Variants in UPF2 observed in about 807,000 individuals in gnomAD.
UPF2 encodes UPF2 regulator of nonsense mediated mRNA decay, also known as regulator of nonsense transcripts 2.
UPF2 carries 17 observed loss-of-function variants against 141.4 expected under a neutral mutation model. The ratio of observed to expected loss-of-function variants is 0.12; its 90% CI spans 0.08 to 0.18. The LOEUF (loss-of-function observed/expected upper bound fraction) is 0.18. Ranked by LOEUF, UPF2 falls within the 10% of genes least tolerant of loss-of-function variation. The pLI is 1.00. For missense variants in UPF2, 1,152 were observed against 1,515.9 expected (o/e 0.76, Z 3.99); for synonymous variants, 540 against 498.0 (o/e 1.08, Z -1.12).
rs1026088993 is a variant in UPF2 at position 11,936,304 on chromosome 10, AGGT to A, written c.3546+238_3546+240del. On this transcript the variant is annotated intron_variant, in intron 19 of 21. Coordinates refer to ENST00000357604, the MANE Select transcript of UPF2 (RefSeq NM_015542.4). The surrounding 1 kb of genome is among the most constrained non-coding windows in gnomAD (Gnocchi z 6.6). Reference sequence around the variant, plus strand: ...AGAATCGTTTGAACCTGGGAGGAGGAGGTTGCAGTGAGCCAAGACCCTGCCACT... The same window carrying A: ...AGAATCGTTTGAACCTGGGAGGAGGATGCAGTGAGCCAAGACCCTGCCACT... Among the ~76,000 whole-genome samples the A allele has an allele frequency of 2.6e-5, 4 of 152,044 alleles. No homozygotes were observed. The highest frequency in any genetic ancestry group is 5.9e-5 in the Non-Finnish European group (4 of 68,010).
chr10:11,995,713 T>A (rs1833854447), intron 8 of UPF2, among the ~76,000 whole-genome samples: 1 of 151,542 alleles, frequency 6.6e-6, no homozygotes, highest in Non-Finnish European at 1.5e-5. Context: ...AACCCTGGAG[T>A]CGGAGGTTGC....
At chr10:11,928,344 A>G (rs796134799) in intron 21 of UPF2, among the ~76,000 whole-genome samples, 3 of 152,160 alleles carry the variant, frequency 2.0e-5, no homozygotes, top group African/African-American at 7.2e-5. Flanking sequence ...CTCAAAAAAA[A>G]GAACAAAATT....
intron 3 of UPF2, among the ~76,000 whole-genome samples, chr10:12,021,507 G>A (rs1428797090): frequency 6.6e-6 from 1 of 151,986 alleles, no homozygotes; most frequent in Non-Finnish European, 1.5e-5. Flanking sequence ...GGGTGACAGG[G>A]AAAGACCCTG....
At chr10:11,929,078 C>T (rs1337540765) in intron 21 of UPF2, among the ~76,000 whole-genome samples, 1 of 152,020 alleles carries the variant, frequency 6.6e-6, no homozygotes, top group African/African-American at 2.4e-5. Flanking sequence ...AACCAGGAGA[C>T]AGAGGTTGCA....
rs1192045433 is a variant in UPF2, at chr10:12,014,282, A to T, written c.1146-98T>A. 8.8e-7 allele frequency: 1 copy of T among 1,135,550 alleles called. No individual in the cohort carries two copies. Among genetic ancestry groups the T allele is most frequent in the African/African-American group, 1.6e-5 (1 of 62,512 alleles). 70.3% of individuals were successfully genotyped at this position (1,135,550 alleles called of 1,614,324 possible). A position where few individuals can be genotyped will look rare whatever the true frequency, so the allele number is the denominator to read the frequency against. ...ATTCCATAATTTGATTTTCTCATAC[A>T]AATTTAGTAAAATCTTCATTTTTAT... On this transcript the variant is annotated intron_variant, in intron 3 of 21. Coordinates refer to ENST00000357604, the MANE Select transcript of UPF2 (RefSeq NM_015542.4). This position sits in a 1 kb window ranked among gnomAD's most constrained non-coding sequence, Gnocchi z 5.0.
At chr10:11,930,126 T>A in intron 20 of UPF2, 141 bp from the exon 21 acceptor site, 1 of 1,171,082 alleles carries the variant, frequency 8.5e-7, no homozygotes, top group Non-Finnish European at 1.2e-6. Context: ...TTATACAGAC[T>A]AAAATGATTA....
At chr10:12,012,992 G>C (rs563825958) in intron 4 of UPF2, among the ~76,000 whole-genome samples, 1 of 151,432 alleles carries the variant, frequency 6.6e-6, no homozygotes, top group Admixed American at 6.6e-5. Flanking sequence ...AGACATGGTG[G>C]TGCACACCTG....
chr10:12,011,316 G>GGGCT (rs1488032974), intron 4 of UPF2, among the ~76,000 whole-genome samples: 1 of 152,198 alleles, frequency 6.6e-6, no homozygotes, highest in Non-Finnish European at 1.5e-5. Flanking sequence ...AACAATGACA[G>GGGCT]GGCTGGGCAC....
rs1040452689 is a variant in UPF2 at position 11,953,231 on chromosome 10, G to C, written c.2851-982C>G. On this transcript the variant is annotated intron_variant, in intron 14 of 21. Transcript: ENST00000357604. This position sits in a 1 kb window ranked among gnomAD's most constrained non-coding sequence, Gnocchi z 5.0. ...TACTCTTCCTCTCCAGTTTGTTCCAGGTCCTTGCTACTCCAAGTGTGGACC... is the reference window on the plus strand; with the variant it reads ...TACTCTTCCTCTCCAGTTTGTTCCACGTCCTTGCTACTCCAAGTGTGGACC... 7.9e-5 allele frequency among the ~76,000 whole-genome samples: 12 copies of C among 152,130 alleles called. No homozygotes were observed.
chr10:12,023,766 A>G (rs7082491), intron 3 of UPF2, among the ~76,000 whole-genome samples: 41,011 of 151,562 alleles, frequency 0.27, 5,710 homozygotes, highest in East Asian at 0.46. Context: ...TCAGGCAGGC[A>G]GGTGGCTTGA....
chr10:12,029,518 T>G lies in UPF2; in HGVS notation c.372A>C (p.Lys124Asn), dbSNP rs1009063166. 1.6e-5 allele frequency: 26 copies of G among 1,577,280 alleles called. No individual in the cohort carries two copies. The highest frequency in any genetic ancestry group is 2.1e-5 in the Non-Finnish European group (25 of 1,169,180). Residue 124 changes from lysine (K) to asparagine (N), a missense_variant, in exon 3 of 22, where the codon AAA becomes AAC. Lys to Asn is a moderately conservative substitution (Grantham distance 94). Coordinates refer to ENST00000357604, the MANE Select transcript of UPF2 (RefSeq NM_015542.4). Reference sequence around the variant, plus strand: ...CCTGATGAAGCTGAATGGATTCTTCTTTTTCTCTATATAAAAACAAACAAA... The same window carrying G: ...CCTGATGAAGCTGAATGGATTCTTCGTTTTCTCTATATAAAAACAAACAAA... ...EEEAAAQMKE[K>N]EESIQLHQEA...
intron 4 of UPF2, among the ~76,000 whole-genome samples, chr10:12,013,777 T>C (rs1834171856): frequency 1.3e-5 from 2 of 152,172 alleles, no homozygotes; most frequent in Admixed American, 6.6e-5. Context: ...AAAAGTTTTT[T>C]TTAATAGAGA....
intron 16 of UPF2, among the ~76,000 whole-genome samples, chr10:11,945,478 T>C (rs1362371531): frequency 6.6e-6 from 1 of 152,234 alleles, no homozygotes; most frequent in Non-Finnish European, 1.5e-5. Context: ...AGAAGTGAAC[T>C]ATTCCAACCT....
Position 12,004,614 on chromosome 10 carries a change from A to G in UPF2, c.1420T>C (p.Leu474=). Reference sequence around the variant, plus strand: ...AAGATGGCTGGGACAAAAGCCTTCAAATCAATGAGGTTCTCATAAAAATTC... The same window carrying G: ...AAGATGGCTGGGACAAAAGCCTTCAGATCAATGAGGTTCTCATAAAAATTC... The part of the protein sequence containing the change: ...ARNFYENLID[L]KAFVPAILFK... The change falls in exon 5 of 22, where the codon TTG becomes CTG. Residue 474 remains leucine, a synonymous_variant. Coordinates refer to ENST00000357604, the MANE Select transcript of UPF2 (RefSeq NM_015542.4). 1.2e-6 allele frequency: 2 copies of G among 1,613,924 alleles called. No homozygotes were observed. The highest frequency in any genetic ancestry group is 1.7e-6 in the Non-Finnish European group (2 of 1,179,916).
intron 6 of UPF2, 63 bp downstream of exon 6, chr10:12,001,613 T>C: frequency 2.1e-6 from 3 of 1,444,084 alleles, no homozygotes; most frequent in Non-Finnish European, 1.9e-6. Flanking sequence ...ATCTATATTC[T>C]TAGGCAAGAG....
chr10:11,970,665 A>C (rs1653822793), intron 9 of UPF2, among the ~76,000 whole-genome samples: 1 of 151,984 alleles, frequency 6.6e-6, no homozygotes, highest in Non-Finnish European at 1.5e-5. Context: ...TACAAAAATT[A>C]GCTGGGCATG....
intron 21 of UPF2, among the ~76,000 whole-genome samples, chr10:11,929,014 T>G (rs1832749371): frequency 6.6e-6 from 1 of 151,610 alleles, no homozygotes; most frequent in South Asian, 2.1e-4. Flanking sequence ...CCAGATGCGG[T>G]GGCATGCCCT....
At position 11,940,136 on chromosome 10, in the gene UPF2, T is replaced by C. The variant is rs1417196678; in HGVS notation, c.3378+2529A>G. 6.6e-6 allele frequency among the ~76,000 whole-genome samples: 1 copy of C among 152,170 alleles called. No individual in the cohort carries two copies. The highest frequency in any genetic ancestry group is 1.5e-5 in the Non-Finnish European group (1 of 68,040). ...AATGCTGAAAAACTAGGGCCTAATA[T>C]AGAATTAAGTTTTTCTCCAGCACAA... On this transcript the variant is annotated intron_variant, in intron 18 of 21. Coordinates refer to ENST00000357604, the MANE Select transcript of UPF2 (RefSeq NM_015542.4). The surrounding 1 kb of genome is among the most constrained non-coding windows in gnomAD (Gnocchi z 4.2).
intron 2 of UPF2, among the ~76,000 whole-genome samples, chr10:12,030,751 G>A (rs1439264175): frequency 1.3e-5 from 2 of 151,506 alleles, no homozygotes; most frequent in East Asian, 3.9e-4. Flanking sequence ...GGGCATGGTT[G>A]CACGCGCCTG....
Sources: gnomAD v4.1 joint callset for allele counts (sites outside exome capture counted in the v4.1 genomes callset) on GRCh38, gnomAD v4.1.1 for gene constraint, Gnocchi (gnomAD v3.1) non-coding constraint, MANE v1.5 for transcripts, NCBI Gene and HGNC (gene_info 2026-07-23, HGNC 2026-07-21) for gene names.